The following XPO1 variants were observed in gnomAD, a reference collection of about 807,000 sequenced individuals.
XPO1 encodes the protein exportin-1.
XPO1 carries 5 observed loss-of-function variants against 133.3 expected under a neutral mutation model. The ratio of observed to expected loss-of-function variants is 0.04; its 90% confidence interval spans 0.02 to 0.08. The LOEUF (loss-of-function observed/expected upper bound fraction) is 0.08, where lower values mean the gene tolerates loss of function less well. XPO1 is among the 10% of genes least tolerant of loss of function. The pLI is 1.00. For missense variants in XPO1, 506 were observed against 1,267.5 expected, an observed-to-expected ratio of 0.40 and a Z score of 9.12; for synonymous variants, 419 against 408.2, an observed-to-expected ratio of 1.03 and a Z score of -0.32.
At chr2:61,501,728 A>AAAAAAAAAAAAAAAAAAAAAAAAAG (rs1558649299) in intron 6 of XPO1, among the ~76,000 whole-genome samples, 3 of 138,324 alleles carry the variant, frequency 2.2e-5, no homozygotes, top group African/African-American at 8.2e-5. Flanking sequence ...CTCCAAAAAA[A>AAAAAAAAAAAAAAAAAAAAAAAAAG]AAAAAAAAAG....
chr2:61,521,496 G>A (rs999096435), intron 4 of XPO1, among the ~76,000 whole-genome samples: 1 of 152,132 alleles, frequency 6.6e-6, no homozygotes, highest in African/African-American at 2.4e-5. Context: ...ACTGAAATTA[G>A]CTAAATCAAA....
Position 61,478,630 on chromosome 2 carries a change from C to T in XPO1, c.*190G>A. ...CTTCATGCAAACTAAATAAAGATGA[C>T]CAAAACAAAAGCTTAAACAATGGAA... On this transcript the variant is annotated 3_prime_UTR_variant, in exon 25 of 25. Coordinates refer to ENST00000401558, the MANE Select transcript of XPO1 (RefSeq NM_003400.4). 1.7e-6 allele frequency: 1 copy of T among 585,998 alleles called. No homozygotes were observed. The highest frequency in any genetic ancestry group is 3.5e-5 in the South Asian group (1 of 28,578). 36.3% of individuals were successfully genotyped at this position (585,998 alleles called of 1,614,324 possible).
intron 6 of XPO1, among the ~76,000 whole-genome samples, chr2:61,500,578 C>CAAAAAAAAAAAAAAAAAAAA (rs56213841): frequency 1.5e-4 from 6 of 40,424 alleles, no homozygotes; most frequent in African/African-American, 8.1e-4. Context: ...GACTCCATCT[C>CAAAAAAAAAAAAAAAAAAAA]AAAAAAAAAA....
At chr2:61,538,483 G>A (rs1209835057), upstream of XPO1, 1 of 152,858 alleles carries the variant, frequency 6.5e-6, no homozygotes, top group East Asian at 1.9e-4. Flanking sequence ...CCGCCGCTTC[G>A]GCCCCTACCT....
chr2:61,487,285 G>C (rs943204444), intron 19 of XPO1, among the ~76,000 whole-genome samples: 4 of 152,184 alleles, frequency 2.6e-5, no homozygotes, highest in South Asian at 2.1e-4. Flanking sequence ...CTGTGCTCCC[G>C]ACACGTGCTC....
chr2:61,494,212 T>A (rs1440222492), intron 11 of XPO1, 121 bp from the exon 12 acceptor site: 5 of 901,578 alleles, frequency 5.5e-6, no homozygotes, highest in Non-Finnish European at 6.5e-6. Flanking sequence ...CAACTCAGAT[T>A]TCAATACTTA....
chr2:61,483,593 G>A lies in XPO1; in HGVS notation c.2677+344C>T, dbSNP rs184798867. The A allele has an allele frequency of 6.4e-5, 12 of 187,676 alleles. No individual in the cohort carries two copies. In the East Asian group the frequency reaches 1.7e-3, roughly 26 times the overall value. 11.6% of individuals were successfully genotyped at this position (187,676 alleles called of 1,614,324 possible). A position where few individuals can be genotyped will look rare whatever the true frequency, so the allele number is the denominator to read the frequency against. On this transcript the variant is annotated intron_variant, in intron 21 of 24. Coordinates refer to ENST00000401558, the MANE Select transcript of XPO1 (RefSeq NM_003400.4). The stretch of plus-strand genomic sequence containing the variant: ...ATGAATATTTTTTAAAAGCCTATGG[G>A]AAAAAAATTACAATCTAAGTTATGA...
intron 17 of XPO1, 106 bp downstream of exon 17, chr2:61,490,535 CT>C: frequency 6.8e-7 from 1 of 1,477,774 alleles, no homozygotes; most frequent in Non-Finnish European, 9.3e-7. Flanking sequence ...CATAAAAGCA[CT>C]TATGGATCAC....
At chr2:61,538,581 T>G (rs1266648034), upstream of XPO1, 1 of 150,810 alleles carries the variant, frequency 6.6e-6, no homozygotes, top group Non-Finnish European at 1.5e-5. Context: ...GAGGAGGAGG[T>G]GGGACGAAGA....
chr2:61,491,109 A>G (rs1255699292), intron 16 of XPO1, among the ~76,000 whole-genome samples: 2 of 152,012 alleles, frequency 1.3e-5, no homozygotes, highest in African/African-American at 4.8e-5. Flanking sequence ...AGATTGCAAT[A>G]CTGCACTCGA....
intron 19 of XPO1, among the ~76,000 whole-genome samples, chr2:61,487,715 T>C (rs1696766469): frequency 6.6e-6 from 1 of 152,186 alleles, no homozygotes; most frequent in African/African-American, 2.4e-5. Flanking sequence ...TGAAAATGAT[T>C]TCCTTTTCTG....
chr2:61,511,154 G>A (rs1259950386), intron 4 of XPO1, among the ~76,000 whole-genome samples: 2 of 151,996 alleles, frequency 1.3e-5, no homozygotes, highest in African/African-American at 2.4e-5. Context: ...ACAGAGTTTC[G>A]TTCTTGTTGC....
rs2104845089 is a variant in XPO1 at position 61,533,894 on chromosome 2, G to A, written c.4C>T (p.Pro2Ser). Residue 2 changes from proline (P) to serine (S), a missense_variant, in exon 2 of 25, where the codon CCA (proline) becomes TCA (serine). Around this residue, in one of 6 missense-constraint regions of XPO1, gnomAD observed 20 missense variants for 20.4 expected, o/e 0.98. Coordinates refer to ENST00000401558, the MANE Select transcript of XPO1 (RefSeq NM_003400.4). M[P>S]AIMTMLADHA... is the part of the protein sequence containing the mutation. Reference sequence around the variant, plus strand: ...TCTGCTAACATTGTCATAATTGCTGGCATAGATTACTGAAAATAAAGAAAA... The same window carrying A: ...TCTGCTAACATTGTCATAATTGCTGACATAGATTACTGAAAATAAAGAAAA... 6.5e-7 allele frequency: 1 copy of A among 1,540,952 alleles called. No individual in the cohort carries two copies. The highest frequency in any genetic ancestry group is 8.7e-7 in the Non-Finnish European group (1 of 1,147,188).
At chr2:61,512,866 C>T (rs550065712) in intron 4 of XPO1, among the ~76,000 whole-genome samples, 3 of 152,276 alleles carry the variant, frequency 2.0e-5, no homozygotes, top group African/African-American at 7.2e-5. Flanking sequence ...CATGGGGCAA[C>T]CCCATCTCTA....
chr2:61,483,225 G>A (rs1696490255), intron 21 of XPO1, 134 bp from the exon 22 acceptor site: 7 of 906,346 alleles, frequency 7.7e-6, no homozygotes, highest in Non-Finnish European at 1.1e-5. Context: ...ATAATTACTT[G>A]CATAAGGTTT....
rs565822546 is a variant in XPO1 at position 61,492,521 on chromosome 2, A to G, written c.1567-40T>C. The G allele has an allele frequency of 7.5e-6, 12 of 1,594,260 alleles. No homozygotes were observed. Among genetic ancestry groups the G allele is most frequent in the Admixed American group, 7.3e-5 (4 of 55,168 alleles). On this transcript the variant is annotated intron_variant, in intron 14 of 24. Transcript: ENST00000401558. This position sits in a 1 kb window ranked among gnomAD's most constrained non-coding sequence, Gnocchi z 5.6. ...AATTTGTATTATTTATTGTAACAAC[A>G]TAATACTTATTTAGCAATTCTAATT...
At chr2:61,479,610 T>G (rs1558622944) in intron 24 of XPO1, among the ~76,000 whole-genome samples, 5 of 152,230 alleles carry the variant, frequency 3.3e-5, no homozygotes. Context: ...CTCTTTGTGA[T>G]AGAGTCTTGT....
At position 61,482,995 on chromosome 2, in the gene XPO1, T is replaced by C. The variant is rs767606827; in HGVS notation, c.2774A>G (p.His925Arg). 6.2e-7 allele frequency: 1 copy of C among 1,613,634 alleles called. No individual in the cohort carries two copies. The highest frequency in any genetic ancestry group is 8.5e-7 in the Non-Finnish European group (1 of 1,179,928). Residue 925 changes from histidine to arginine, a missense_variant, in exon 22 of 25, where the codon CAT becomes CGT. By Grantham distance (29) the His-to-Arg change is conservative (BLOSUM62 0). This residue lies in a region of XPO1 where 203 missense variants were observed against 365.9 expected (regional missense o/e 0.55). Coordinates refer to ENST00000401558, the MANE Select transcript of XPO1 (RefSeq NM_003400.4). ...AGTGTCTGTCACAACAGAAAAGATA[T>C]GCTGGAGAATATCACAAAAATAAGT... ...YQTYFCDILQHIFSVVTDTSH... is the reference protein window; with the variant it reads ...YQTYFCDILQRIFSVVTDTSH...
chr2:61,487,422 A>G (rs1696748934), intron 19 of XPO1, among the ~76,000 whole-genome samples: 1 of 152,218 alleles, frequency 6.6e-6, no homozygotes, highest in African/African-American at 2.4e-5. Context: ...AGGTTAGCCA[A>G]CTTAAGTATT....
Sources: allele counts gnomAD v4.1 joint callset (sites outside exome capture counted in the v4.1 genomes callset), GRCh38; gene constraint gnomAD v4.1.1; regional missense constraint gnomAD v4.1.1; non-coding constraint Gnocchi (gnomAD v3.1); transcripts MANE v1.5; gene names NCBI Gene and HGNC (gene_info 2026-07-23, HGNC 2026-07-21).